Variants in SLC25A12 observed in about 807,000 individuals in gnomAD.
SLC25A12 encodes solute carrier family 25 member 12, also known as electrogenic aspartate/glutamate antiporter SLC25A12, mitochondrial.
A neutral mutation model predicts 83.3 loss-of-function variants in SLC25A12; 32 were observed. That is an observed-to-expected ratio of 0.38 (90% CI 0.29 to 0.52). The LOEUF is 0.52. Among genes scored for constraint, SLC25A12 ranks in the 20% least tolerant of loss-of-function variants. SLC25A12 has a pLI of 0.84. For missense variants in SLC25A12, 611 were observed against 835.6 expected (o/e 0.73, Z 3.31); for synonymous variants, 267 against 291.1 (o/e 0.92, Z 0.84).
chr2:171,842,885 A>C (rs1684709703), intron 5 of SLC25A12, among the ~76,000 whole-genome samples: 1 of 152,070 alleles, frequency 6.6e-6, no homozygotes, highest in South Asian at 2.1e-4. Flanking sequence ...GCAGCGATGC[A>C]ATCTCAGCTC....
At chr2:171,881,026 A>T (rs1389369480) in intron 2 of SLC25A12, among the ~76,000 whole-genome samples, 1 of 152,244 alleles carries the variant, frequency 6.6e-6, no homozygotes, top group East Asian at 1.9e-4. Context: ...TGTTCTGAGG[A>T]TTAAATATGA....
rs190021410 is a variant in SLC25A12 at position 171,850,815 on chromosome 2, G to A, written c.325+5019C>T. On this transcript the variant is annotated intron_variant, in intron 4 of 17. Transcript: ENST00000422440. ...ATAGCTTTGTTTCCAGTGAGAAAGG[G>A]TACATTTTTCATAACTACACTTCCA... is the stretch of plus-strand genomic sequence containing the variant. Among the ~76,000 whole-genome samples, 3 of 152,314 alleles carry A rather than the reference G, an allele frequency of 2.0e-5. No individual in the cohort carries two copies. In the East Asian group the frequency reaches 5.8e-4, roughly 29 times the overall value.
intron 3 of SLC25A12, among the ~76,000 whole-genome samples, chr2:171,863,529 C>CAAAAAAAAAA (rs56272846): frequency 1.6e-5 from 2 of 128,390 alleles, no homozygotes; most frequent in Non-Finnish European, 1.7e-5. Flanking sequence ...CCGTCTCCGA[C>CAAAAAAAAAA]AAAAAAAAAA....
Position 171,815,114 on chromosome 2 carries a change from CA to C in SLC25A12, c.1012+6del, listed in dbSNP as rs778599669. On this transcript the variant is annotated splice_donor_region_variant and intron_variant, in intron 10 of 17. Coordinates refer to ENST00000422440, the MANE Select transcript of SLC25A12 (RefSeq NM_003705.5). Reference sequence around the variant, plus strand: ...AGCCTCAAACAGCACACAGACATGTCACTCACCTCCAGCAACTGAGCCCAGA... The same window carrying C: ...AGCCTCAAACAGCACACAGACATGTCCTCACCTCCAGCAACTGAGCCCAGA... 1.2e-6 allele frequency: 2 copies of C among 1,611,094 alleles called. No homozygotes were observed. Among genetic ancestry groups the C allele is most frequent in the South Asian group, 1.1e-5 (1 of 90,988 alleles).
chr2:171,885,027 C>A (rs1187628461), intron 2 of SLC25A12, among the ~76,000 whole-genome samples: 14 of 151,984 alleles, frequency 9.2e-5, no homozygotes, highest in Admixed American at 9.2e-4. Context: ...TCCTGGCTAA[C>A]ACGGTGAAAC....
rs2105863153 is a variant in SLC25A12, at chr2:171,813,507, G to C, written c.1013-10C>G. ...GCAGTGGCTCCCACAGCTACAAACAGAACAATTTTTAGGCTTAAAAAAGAA... is the reference window on the plus strand; with the variant it reads ...GCAGTGGCTCCCACAGCTACAAACACAACAATTTTTAGGCTTAAAAAAGAA... On this transcript the variant is annotated splice_polypyrimidine_tract_variant and intron_variant, in intron 10 of 17. Coordinates refer to ENST00000422440, the MANE Select transcript of SLC25A12 (RefSeq NM_003705.5). The C allele has an allele frequency of 6.2e-7, 1 of 1,613,722 alleles. No individual in the cohort carries two copies. The highest frequency in any genetic ancestry group is 8.5e-7 in the Non-Finnish European group (1 of 1,179,756).
At position 171,868,817 on chromosome 2, in the gene SLC25A12, T is replaced by C. The variant is rs950328805; in HGVS notation, c.73A>G (p.Ser25Gly). Residue 25 changes from serine to glycine, a missense_variant, in exon 3 of 18, where the codon AGT (serine) becomes GGT (glycine). By Grantham distance (56) the Ser-to-Gly change is moderately conservative. Transcript: ENST00000422440. Reference sequence around the variant, plus strand: ...TAACGCTCTCCATCAACCTCAGTACTGGCATACTAAAAAAATAAATAAATA... The same window carrying C: ...TAACGCTCTCCATCAACCTCAGTACCGGCATACTAAAAAAATAAATAAATA... ...ELRNIFLQYASTEVDGERYMT... is the reference protein window; with the variant it reads ...ELRNIFLQYAGTEVDGERYMT... 1.2e-6 allele frequency: 2 copies of C among 1,610,198 alleles called. No homozygotes were observed. Among genetic ancestry groups the C allele is most frequent in the South Asian group, 1.1e-5 (1 of 90,988 alleles).
At position 171,852,632 on chromosome 2, in the gene SLC25A12, T is replaced by C. The variant is rs1413546076; in HGVS notation, c.325+3202A>G. The C allele has an allele frequency of 6.6e-6, 3 of 454,164 alleles. No individual in the cohort carries two copies. In the Admixed American group the frequency reaches 7.2e-5, roughly 11 times the overall value. 28.1% of individuals were successfully genotyped at this position (454,164 alleles called of 1,614,324 possible). On this transcript the variant is annotated intron_variant, in intron 4 of 17. Transcript: ENST00000422440. ...GTGCCTATAAATACATAAGCACAAT[T>C]CATTTTATTAAGTGGTTACAAACAT...
intron 13 of SLC25A12, among the ~76,000 whole-genome samples, chr2:171,802,153 G>A (rs145252308): frequency 6.6e-6 from 1 of 151,972 alleles, no homozygotes; most frequent in Non-Finnish European, 1.5e-5. Context: ...CCTAAAAAAG[G>A]GTCAAGCAAT....
chr2:171,893,286 G>C (rs1271272176), intron 1 of SLC25A12, 28 bp from the exon 2 acceptor site: 1 of 1,603,110 alleles, frequency 6.2e-7, no homozygotes, highest in Non-Finnish European at 8.5e-7. Flanking sequence ...AAAAAAGCCA[G>C]TTAATGCTTC....
chr2:171,791,514 G>C lies in SLC25A12; in HGVS notation c.1522C>G (p.Leu508Val). Residue 508 changes from leucine to valine, a missense_variant, in exon 15 of 18, where the codon CTT (leucine) becomes GTT (valine). Physicochemically the swap from Leu to Val is conservative, Grantham distance 32. Transcript: ENST00000422440. ...ACGTGTCCATTTTCATCAGCCAGAA[G>C]TAGTTTGCAATGAGCATAAACAGGA... ...YFPVYAHCKL[L>V]LADENGHVGG... The C allele has an allele frequency of 6.2e-7, 1 of 1,613,866 alleles. No individual in the cohort carries two copies. Among genetic ancestry groups the C allele is most frequent in the Middle Eastern group, 1.7e-4 (1 of 6,060 alleles).
At chr2:171,806,570 A>AG (rs1683835451) in intron 13 of SLC25A12, among the ~76,000 whole-genome samples, 1 of 152,212 alleles carries the variant, frequency 6.6e-6, no homozygotes, top group Admixed American at 6.5e-5. Flanking sequence ...TTCATGATCT[A>AG]GTCAACACAC....
chr2:171,801,139 A>AAAGG, intron 13 of SLC25A12, among the ~76,000 whole-genome samples: 1 of 152,346 alleles, frequency 6.6e-6, no homozygotes, highest in Non-Finnish European at 1.5e-5. Flanking sequence ...TACACTTATT[A>AAAGG]AAGGAAGGAA....
At chr2:171,890,021 G>A (rs540401126) in intron 2 of SLC25A12, among the ~76,000 whole-genome samples, 2 of 152,300 alleles carry the variant, frequency 1.3e-5, no homozygotes, top group Admixed American at 1.3e-4. Context: ...TCTACCACAG[G>A]CTATGCATTT....
chr2:171,791,740 C>A, intron 14 of SLC25A12, 151 bp from the exon 15 acceptor site: 1 of 750,402 alleles, frequency 1.3e-6, no homozygotes, highest in Non-Finnish European at 2.4e-6. Flanking sequence ...AACTGATGTG[C>A]AAGGGAAATG....
intron 2 of SLC25A12, among the ~76,000 whole-genome samples, chr2:171,891,901 A>G (rs568653104): frequency 1.3e-5 from 2 of 152,370 alleles, no homozygotes; most frequent in African/African-American, 2.4e-5. Flanking sequence ...ATTATTTTTC[A>G]TAAACTACAC....
At chr2:171,802,456 T>C (rs1683728105) in intron 13 of SLC25A12, among the ~76,000 whole-genome samples, 1 of 152,146 alleles carries the variant, frequency 6.6e-6, no homozygotes, top group South Asian at 2.1e-4. Context: ...AACACAAGTT[T>C]GGTTAATGTT....
intron 2 of SLC25A12, among the ~76,000 whole-genome samples, chr2:171,872,749 T>A (rs1336984035): frequency 1.3e-5 from 2 of 152,188 alleles, no homozygotes; most frequent in Admixed American, 1.3e-4. Flanking sequence ...AAAAGTTAAA[T>A]CCAATTTCAA....
At chr2:171,857,321 T>C (rs1226926637) in intron 3 of SLC25A12, among the ~76,000 whole-genome samples, 1 of 152,128 alleles carries the variant, frequency 6.6e-6, no homozygotes, top group Non-Finnish European at 1.5e-5. Context: ...TAATAAGCCA[T>C]GATCATGCTA....
Sources: gnomAD v4.1 joint callset for allele counts (sites outside exome capture counted in the v4.1 genomes callset) on GRCh38, gnomAD v4.1.1 for gene constraint, MANE v1.5 for transcripts, NCBI Gene and HGNC (gene_info 2026-07-23, HGNC 2026-07-21) for gene names.